The following RCN1 variants were observed in gnomAD, a reference collection of about 807,000 sequenced individuals.
RCN1 encodes the protein reticulocalbin 1, also known as reticulocalbin-1.
Under a neutral mutation model 34.7 loss-of-function variants are expected in RCN1, and 14 were observed. The ratio of observed to expected loss-of-function variants is 0.40; its 90% confidence interval spans 0.27 to 0.63. The LOEUF is 0.63. Ranked by LOEUF, RCN1 falls within the 30% of genes least tolerant of loss-of-function variation. The pLI, the probability that RCN1 is intolerant of heterozygous loss-of-function variation, is 0.37. For synonymous variants in RCN1, 125 were observed against 165.5 expected, an observed-to-expected ratio of 0.76 and a Z score of 1.88; for missense variants, 326 against 425.1, an observed-to-expected ratio of 0.77 and a Z score of 2.05.
At chr11:32,092,754 A>G (rs1047381210) in intron 1 of RCN1, among the ~76,000 whole-genome samples, 1 of 152,174 alleles carries the variant, frequency 6.6e-6, no homozygotes, top group African/African-American at 2.4e-5. Flanking sequence ...ACCAGGTCTC[A>G]GATCTCCCTG....
chr11:32,102,707 G>T (rs1323564778), intron 4 of RCN1: 1 of 262,030 alleles, frequency 3.8e-6, no homozygotes, highest in African/African-American at 2.4e-5. Context: ...ATGTTCCTGT[G>T]CAGCCTCCAG....
rs1851920533 is a variant in RCN1 at position 32,091,449 on chromosome 11, G to C, written c.253G>C (p.Gly85Arg). 1 of 1,543,276 alleles carries C rather than the reference G, an allele frequency of 6.5e-7. No individual in the cohort carries two copies. The highest frequency in any genetic ancestry group is 1.4e-5 in the African/African-American group (1 of 72,176). The change falls in exon 1 of 6, where the codon GGG becomes CGG. Residue 85 changes from glycine to arginine, a missense_variant and splice_region_variant. Gly to Arg is a moderately radical substitution (Grantham distance 125). Transcript: ENST00000054950. ...LTPDESKERL[G>R]KIVDRIDNDG... Reference sequence around the variant, plus strand: ...CCCGGACGAGAGCAAGGAGAGGCTAGGGTGAGGCCGCGGCCAGGGCCCCGT... The same window carrying C: ...CCCGGACGAGAGCAAGGAGAGGCTACGGTGAGGCCGCGGCCAGGGCCCCGT...
Position 32,100,544 on chromosome 11 carries a change from C to T in RCN1, c.628-4C>T. 1 of 1,613,248 alleles carries T rather than the reference C, an allele frequency of 6.2e-7. No individual in the cohort carries two copies. The highest frequency in any genetic ancestry group is 8.5e-7 in the Non-Finnish European group (1 of 1,179,388). On this transcript the variant is annotated splice_region_variant and splice_polypyrimidine_tract_variant and intron_variant, in intron 3 of 5. Coordinates refer to ENST00000054950, the MANE Select transcript of RCN1 (RefSeq NM_002901.4). ...TGCATTCTGTTTTACCTTTTGCTTC[C>T]TAGGAAACCCTGGAGGACATCGACA...
Position 32,091,074 on chromosome 11 carries a change from A to G in RCN1, c.-123A>G, listed in dbSNP as rs1851913649. The G allele has an allele frequency of 9.7e-7, 1 of 1,026,620 alleles. No homozygotes were observed. Among genetic ancestry groups the G allele is most frequent in the East Asian group, 3.8e-5 (1 of 26,602 alleles). 63.6% of individuals were successfully genotyped at this position (1,026,620 alleles called of 1,614,324 possible). On this transcript the variant is annotated 5_prime_UTR_variant, in exon 1 of 6. Coordinates refer to ENST00000054950, the MANE Select transcript of RCN1 (RefSeq NM_002901.4). ...GCGGGCACTGGCGGAGGGACTGGCC[A>G]GTCCCCTCCTCCGCGCCGGCCCCAA...
At chr11:32,092,765 A>G (rs568526906) in intron 1 of RCN1, among the ~76,000 whole-genome samples, 8 of 152,244 alleles carry the variant, frequency 5.3e-5, no homozygotes, top group South Asian at 4.2e-4. Context: ...GATCTCCCTG[A>G]ACCTGATTCC....
intron 2 of RCN1, 63 bp downstream of exon 2, chr11:32,097,400 CTCTCT>C (rs1851985492): frequency 1.6e-6 from 2 of 1,213,494 alleles, no homozygotes; most frequent in Non-Finnish European, 2.2e-6. Flanking sequence ...TTTGTAGACT[CTCTCT>C]TCTCTTATCA....
At chr11:32,092,195 T>C (rs1851930465) in intron 1 of RCN1, among the ~76,000 whole-genome samples, 1 of 151,832 alleles carries the variant, frequency 6.6e-6, no homozygotes. Flanking sequence ...TAATCCCAGC[T>C]ACTTGGGAGG....
rs529591040 is a variant in RCN1, at chr11:32,095,566, C to T, written c.255-1578C>T. Among the ~76,000 whole-genome samples the T allele has an allele frequency of 3.1e-3, 478 of 152,262 alleles. 1 individual carries two copies. Among genetic ancestry groups the T allele is most frequent in the African/African-American group, 9.7e-3 (404 of 41,544 alleles). On this transcript the variant is annotated intron_variant, in intron 1 of 5. Coordinates refer to ENST00000054950, the MANE Select transcript of RCN1 (RefSeq NM_002901.4). The stretch of plus-strand genomic sequence containing the variant: ...GGGACTACAGGCACCCGCCACCACA[C>T]CTGGCTAATTTTTTTGTATTTTTAG...
rs1210709244 is a variant in RCN1 at position 32,091,521 on chromosome 11, G to A, written c.254+71G>A. 5 of 1,497,326 alleles carry A rather than the reference G, an allele frequency of 3.3e-6. No homozygotes were observed. In the East Asian group the frequency reaches 8.0e-5, roughly 24 times the overall value. 92.8% of individuals were successfully genotyped at this position (1,497,326 alleles called of 1,614,324 possible). A position where few individuals can be genotyped will look rare whatever the true frequency, so the allele number is the denominator to read the frequency against. ...AGGGCCGCCTGGGCGAGAGCCACGC[G>A]GGATACCACCGCCAAAGCGAAAGCG... On this transcript the variant is annotated intron_variant, in intron 1 of 5. Coordinates refer to ENST00000054950, the MANE Select transcript of RCN1 (RefSeq NM_002901.4).
Position 32,103,293 on chromosome 11 carries a change from C to T in RCN1, c.701C>T (p.Ser234Phe). Residue 234 changes from serine to phenylalanine, a missense_variant, in exon 5 of 6, where the codon TCC becomes TTC. Coordinates refer to ENST00000054950, the MANE Select transcript of RCN1 (RefSeq NM_002901.4). The part of the protein sequence containing the change: ...DQDEYIADMF[S>F]HEENGPEPDW... Reference sequence around the variant, plus strand: ...CCTTCCCTTCTAGCGGATATGTTTTCCCATGAGGAGAATGGCCCTGAGCCA... The same window carrying T: ...CCTTCCCTTCTAGCGGATATGTTTTTCCATGAGGAGAATGGCCCTGAGCCA... 1.2e-6 allele frequency: 2 copies of T among 1,613,882 alleles called. No homozygotes were observed. Among genetic ancestry groups the T allele is most frequent in the Non-Finnish European group, 1.7e-6 (2 of 1,179,778 alleles).
intron 3 of RCN1, among the ~76,000 whole-genome samples, 196 bp from the exon 4 acceptor site, chr11:32,100,352 C>T (rs1423835685): frequency 1.3e-5 from 2 of 152,154 alleles, no homozygotes; most frequent in African/African-American, 4.8e-5. Context: ...GCTCTGGAAA[C>T]TGGGGTGGGG....
chr11:32,091,100 C>T lies in RCN1; in HGVS notation c.-97C>T. The T allele has an allele frequency of 6.7e-6, 9 of 1,338,128 alleles. No individual in the cohort carries two copies. Among genetic ancestry groups the T allele is most frequent in the Non-Finnish European group, 8.6e-6 (9 of 1,043,284 alleles). The allele number at this position is 1,338,128 out of a possible 1,614,324, so 82.9% of individuals were successfully genotyped here. On this transcript the variant is annotated 5_prime_UTR_variant, in exon 1 of 6. Transcript: ENST00000054950. ...GTCCCCTCCTCCGCGCCGGCCCCAA[C>T]CCTGTCGCTGCCGCCGCGCTCCGAG...
intron 4 of RCN1, among the ~76,000 whole-genome samples, chr11:32,100,827 G>A (rs1398661028): frequency 6.6e-6 from 1 of 152,152 alleles, no homozygotes; most frequent in Admixed American, 6.5e-5. Flanking sequence ...TGAAAAGGCT[G>A]GCCCTACACA....
Position 32,096,878 on chromosome 11 carries a change from C to T in RCN1, c.255-266C>T, listed in dbSNP as rs111862638. The T allele has an allele frequency of 9.4e-4, 350 of 372,714 alleles. 1 individual carries two copies. Among genetic ancestry groups the T allele is most frequent in the African/African-American group, 5.9e-3 (282 of 48,196 alleles). 23.1% of individuals were successfully genotyped at this position (372,714 alleles called of 1,614,324 possible). Reference sequence around the variant, plus strand: ...CACAGTGCTGAGAATTCTGAGAGCACCTCTAGGTTTATCAGGACAGAGGGG... The same window carrying T: ...CACAGTGCTGAGAATTCTGAGAGCATCTCTAGGTTTATCAGGACAGAGGGG... On this transcript the variant is annotated intron_variant, in intron 1 of 5. Transcript: ENST00000054950.
chr11:32,091,322 C>G lies in RCN1; in HGVS notation c.126C>G (p.Asp42Glu), dbSNP rs1016250873. ...TVRKERVVRPDSELGERPPED... is the reference protein window; with the variant it reads ...TVRKERVVRPESELGERPPED... The stretch of plus-strand genomic sequence containing the variant: ...GCAAAGAGCGCGTGGTGCGGCCCGA[C>G]TCGGAGCTGGGCGAGCGGCCCCCTG... Residue 42 changes from aspartate to glutamate, a missense_variant, in exon 1 of 6, where the codon GAC becomes GAG. Transcript: ENST00000054950. The G allele has an allele frequency of 2.9e-5, 45 of 1,547,774 alleles. No individual in the cohort carries two copies. Among genetic ancestry groups the G allele is most frequent in the Non-Finnish European group, 3.6e-5 (41 of 1,146,230 alleles).
chr11:32,091,278 C>T lies in RCN1; in HGVS notation c.82C>T (p.Arg28Trp). The T allele has an allele frequency of 6.5e-7, 1 of 1,539,838 alleles. No homozygotes were observed. Among genetic ancestry groups the T allele is most frequent in the African/African-American group, 1.4e-5 (1 of 71,930 alleles). The change falls in exon 1 of 6, where the codon CGG (arginine) becomes TGG (tryptophan). Residue 28 changes from arginine (R) to tryptophan (W), a missense_variant. Arg to Trp is a moderately radical substitution (Grantham distance 101). Transcript: ENST00000054950. ...GCTGGTGCTGGCGCCGCGGGTTCTG[C>T]GGGCCAAGCCCACGGTGCGCAAAGA... ...LALVLAPRVL[R>W]AKPTVRKERV...
Position 32,105,668 on chromosome 11 carries a change from A to C in RCN1, c.*1196A>C, listed in dbSNP as rs1828906958. ...GGGTTTTTTTTCATCCAATTACTAG[A>C]ATGTTCAGAATAGACTCATATTTAC... On this transcript the variant is annotated 3_prime_UTR_variant, in exon 6 of 6. Transcript: ENST00000054950. 6.6e-6 allele frequency: 1 copy of C among 152,136 alleles called. No homozygotes were observed. Among genetic ancestry groups the C allele is most frequent in the African/African-American group, 2.4e-5 (1 of 41,414 alleles). The allele number at this position is 152,136 out of a possible 1,614,324, so 9.4% of individuals were successfully genotyped here.
At chr11:32,092,980 G>C (rs1851938229) in intron 1 of RCN1, among the ~76,000 whole-genome samples, 1 of 152,192 alleles carries the variant, frequency 6.6e-6, no homozygotes, top group African/African-American at 2.4e-5. Context: ...ATCTTGCAGA[G>C]TACTTTCTCT....
At position 32,098,475 on chromosome 11, in the gene RCN1, A is replaced by G. The variant is rs189574058; in HGVS notation, c.574A>G (p.Thr192Ala). The change falls in exon 3 of 6, where the codon ACT (threonine) becomes GCT (alanine). Residue 192 changes from threonine to alanine, a missense_variant. By Grantham distance (58) the Thr-to-Ala change is moderately conservative. Transcript: ENST00000054950. ...CCTGACAGCTACTCGGGAGGAGTTC[A>G]CTGCCTTTCTGCATCCTGAAGAGTT... ...GDLTATREEF[T>A]AFLHPEEFEH... 2 of 1,613,990 alleles carry G rather than the reference A, an allele frequency of 1.2e-6. No homozygotes were observed. Among genetic ancestry groups the G allele is most frequent in the Non-Finnish European group, 1.7e-6 (2 of 1,180,020 alleles).
Sources: allele counts gnomAD v4.1 joint callset (sites outside exome capture counted in the v4.1 genomes callset), GRCh38; gene constraint gnomAD v4.1.1; transcripts MANE v1.5; gene names NCBI Gene and HGNC (gene_info 2026-07-23, HGNC 2026-07-21).